PRMT3: variants seen among roughly 807,000 people sequenced by gnomAD.
The protein encoded by PRMT3 is protein arginine methyltransferase 3.
PRMT3 carries 62 observed loss-of-function variants against 71.9 expected under a neutral mutation model. The observed-to-expected ratio is 0.86, with a 90% CI of 0.70 to 1.07. The LOEUF (loss-of-function observed/expected upper bound fraction) is 1.07. Among genes scored for constraint, PRMT3 ranks in the 50% least tolerant of loss-of-function variants. The probability of loss-of-function intolerance (pLI) is 0.00; values close to 1 mark genes in which losing one functional copy is unlikely to be tolerated. For synonymous variants in PRMT3, 213 were observed against 220.4 expected, an observed-to-expected ratio of 0.97 and a Z score of 0.30; for missense variants, 663 against 643.0, an observed-to-expected ratio of 1.03 and a Z score of -0.34.
intron 13 of PRMT3, among the ~76,000 whole-genome samples, chr11:20,484,329 G>T (rs547253137): frequency 1.3e-5 from 2 of 152,308 alleles, no homozygotes; most frequent in South Asian, 4.1e-4. Flanking sequence ...GATTAAAGAA[G>T]GCTGCCCAGA....
intron 13 of PRMT3, among the ~76,000 whole-genome samples, chr11:20,479,260 G>A (rs187330698): frequency 1.0e-3 from 152 of 152,204 alleles, no homozygotes; most frequent in African/African-American, 3.3e-3. Context: ...AAATCTCTTC[G>A]TTTATTCTCA....
At chr11:20,438,493 G>A (rs1388178211) in intron 10 of PRMT3, among the ~76,000 whole-genome samples, 1 of 152,070 alleles carries the variant, frequency 6.6e-6, no homozygotes, top group Non-Finnish European at 1.5e-5. Context: ...TCGGACTCGT[G>A]GGGGTTAGTC....
chr11:20,486,853 T>A (rs1168472107), intron 13 of PRMT3, among the ~76,000 whole-genome samples: 1 of 151,884 alleles, frequency 6.6e-6, no homozygotes, highest in East Asian at 1.9e-4. Context: ...GGTCAGGAGT[T>A]CAAGACCAGC....
intron 13 of PRMT3, among the ~76,000 whole-genome samples, chr11:20,489,977 A>G (rs1203908988): frequency 6.7e-6 from 1 of 149,628 alleles, no homozygotes; most frequent in Non-Finnish European, 1.5e-5. Context: ...AGGTAACACC[A>G]CAAACCCTGT....
chr11:20,468,683 T>G (rs1303041005), intron 13 of PRMT3, among the ~76,000 whole-genome samples: 4 of 152,210 alleles, frequency 2.6e-5, no homozygotes, highest in Non-Finnish European at 5.9e-5. Context: ...AACCATTTAT[T>G]TCTTAATGAG....
intron 10 of PRMT3, among the ~76,000 whole-genome samples, chr11:20,436,922 T>G (rs1310249939): frequency 1.3e-5 from 2 of 152,150 alleles, no homozygotes; most frequent in African/African-American, 4.8e-5. Flanking sequence ...AATTTTTCTT[T>G]GATAGACTTT....
At chr11:20,416,086 C>T (rs1374030927) in intron 9 of PRMT3, among the ~76,000 whole-genome samples, 1 of 152,138 alleles carries the variant, frequency 6.6e-6, no homozygotes, top group Non-Finnish European at 1.5e-5. Flanking sequence ...TCATGTCTTA[C>T]TTTACATTCT....
intron 10 of PRMT3, 137 bp downstream of exon 10, chr11:20,427,002 T>C (rs1395994883): frequency 2.4e-6 from 3 of 1,247,748 alleles, no homozygotes; most frequent in South Asian, 2.3e-5. Flanking sequence ...CATTAGATAC[T>C]ATAATGTGTA....
At chr11:20,478,230 AG>A (rs985718755) in intron 13 of PRMT3, among the ~76,000 whole-genome samples, 4 of 152,120 alleles carry the variant, frequency 2.6e-5, no homozygotes, top group African/African-American at 9.7e-5. Context: ...TGTTAGAGTG[AG>A]GGTCTTTTGC....
intron 9 of PRMT3, among the ~76,000 whole-genome samples, chr11:20,410,326 C>A (rs1183762057): frequency 6.6e-6 from 1 of 151,960 alleles, no homozygotes; most frequent in African/African-American, 2.4e-5. Context: ...AATTAATTTT[C>A]AGTCCTTTTT....
chr11:20,494,842 A>G (rs574046077), intron 15 of PRMT3, among the ~76,000 whole-genome samples: 1 of 152,228 alleles, frequency 6.6e-6, no homozygotes, highest in Non-Finnish European at 1.5e-5. Flanking sequence ...TTAGTATTTA[A>G]TAAGTTACAA....
intron 10 of PRMT3, among the ~76,000 whole-genome samples, chr11:20,437,481 GTA>G (rs1248866351): frequency 6.6e-6 from 1 of 152,182 alleles, no homozygotes; most frequent in Non-Finnish European, 1.5e-5. Flanking sequence ...AGGTGCAGTG[GTA>G]TAGTCTCTTT....
chr11:20,469,780 AAT>A (rs955479901), intron 13 of PRMT3, among the ~76,000 whole-genome samples: 2 of 152,082 alleles, frequency 1.3e-5, no homozygotes, highest in African/African-American at 4.8e-5. Context: ...ATCATCTCTT[AAT>A]AGTTTTTATA....
intron 10 of PRMT3, among the ~76,000 whole-genome samples, chr11:20,432,430 T>C (rs2133359906): frequency 6.6e-6 from 1 of 152,276 alleles, no homozygotes; most frequent in East Asian, 1.9e-4. Context: ...ATTGTGTATA[T>C]ATGTCACATT....
intron 11 of PRMT3, among the ~76,000 whole-genome samples, chr11:20,453,398 T>G (rs930421354): frequency 2.0e-5 from 3 of 150,826 alleles, no homozygotes. Flanking sequence ...GAGAATTGCT[T>G]GAACCCGGGA....
intron 9 of PRMT3, among the ~76,000 whole-genome samples, chr11:20,424,262 T>C (rs554041298): frequency 3.9e-4 from 10 of 25,494 alleles, no homozygotes; most frequent in East Asian, 3.9e-3. Flanking sequence ...GAATAAACTT[T>C]AAGGAGGTAC....
intron 13 of PRMT3, among the ~76,000 whole-genome samples, chr11:20,482,015 GA>G (rs1341776020): frequency 2.6e-5 from 4 of 152,052 alleles, no homozygotes; most frequent in African/African-American, 9.7e-5. Flanking sequence ...AGAATAGTGG[GA>G]GGAATCGCCT....
At chr11:20,453,168 T>A (rs556704974) in intron 11 of PRMT3, among the ~76,000 whole-genome samples, 28 of 152,014 alleles carry the variant, frequency 1.8e-4, no homozygotes, top group Non-Finnish European at 2.6e-4. Context: ...GAAATTACTT[T>A]GGCAGTTTTG....
chr11:20,495,860 A>G (rs528932628), intron 15 of PRMT3, among the ~76,000 whole-genome samples: 2 of 152,220 alleles, frequency 1.3e-5, no homozygotes, highest in Non-Finnish European at 2.9e-5. Flanking sequence ...AACTCAGGAA[A>G]AGGCTAACTG....
Sources: allele counts gnomAD v4.1 joint callset (sites outside exome capture counted in the v4.1 genomes callset), GRCh38; gene constraint gnomAD v4.1.1; transcripts MANE v1.5; gene names NCBI Gene and HGNC (gene_info 2026-07-23, HGNC 2026-07-21).